ZBTB25: variants seen among roughly 807,000 people sequenced by gnomAD.
ZBTB25 encodes the protein zinc finger and BTB domain-containing protein 25.
Under a neutral mutation model 34.2 loss-of-function variants are expected in ZBTB25, and 20 were observed. That is an observed-to-expected ratio of 0.58 (90% confidence interval 0.41 to 0.85). ZBTB25 has a LOEUF of 0.85. Ranked by LOEUF, ZBTB25 falls within the 40% of genes least tolerant of loss-of-function variation. The probability of loss-of-function intolerance (pLI) is 0.00; values close to 1 mark genes in which losing one functional copy is unlikely to be tolerated. For synonymous variants in ZBTB25, 175 were observed against 186.4 expected (o/e 0.94, Z 0.50); for missense variants, 437 against 521.8 (o/e 0.84, Z 1.58).
At chr14:64,490,599 T>G in intron 1 of ZBTB25, 59 bp from the exon 2 acceptor site, 2 of 1,402,258 alleles carry the variant, frequency 1.4e-6, no homozygotes, top group Non-Finnish European at 1.9e-6. Context: ...CATTATTTTT[T>G]ATTAATACAA....
chr14:64,502,116 C>A lies in ZBTB25; in HGVS notation c.-8+1545G>T, dbSNP rs148046164. Among the ~76,000 whole-genome samples the A allele has an allele frequency of 1.1e-4, 17 of 152,318 alleles. No homozygotes were observed. In the East Asian group the frequency reaches 3.3e-3, roughly 29 times the overall value. ...TACCATCTCCTTTTTGGTAAAGACA[C>A]AAAGTTCATCTACGAAAGCAGCTAG... is the stretch of plus-strand genomic sequence containing the variant. On this transcript the variant is annotated intron_variant, in intron 1 of 2. Transcript: ENST00000608382.
At chr14:64,453,993 A>G (rs892615115) in intron 2 of ZBTB25, 2 of 701,984 alleles carry the variant, frequency 2.8e-6, no homozygotes, top group African/African-American at 3.5e-5. Context: ...TCTCCTCTGA[A>G]ATACTGAGTT....
intron 1 of ZBTB25, among the ~76,000 whole-genome samples, chr14:64,498,335 TCG>T (rs993097420): frequency 2.6e-5 from 4 of 151,204 alleles, no homozygotes; most frequent in Non-Finnish European, 4.4e-5. Context: ...AGACAGAGTC[TCG>T]CTCTGTCGCC....
intron 2 of ZBTB25, among the ~76,000 whole-genome samples, chr14:64,489,493 G>A (rs544372503): frequency 2.3e-4 from 35 of 151,958 alleles, no homozygotes; most frequent in African/African-American, 8.2e-4. Flanking sequence ...CTTAGTGCTT[G>A]GGTATGGGAT....
intron 2 of ZBTB25, among the ~76,000 whole-genome samples, chr14:64,463,833 C>G (rs1474556965): frequency 6.6e-6 from 1 of 151,938 alleles, no homozygotes; most frequent in Non-Finnish European, 1.5e-5. Flanking sequence ...TTATTTTTTG[C>G]CTGAAACTCT....
chr14:64,472,759 T>G (rs539271621), intron 2 of ZBTB25: 1 of 166,924 alleles, frequency 6.0e-6, no homozygotes, highest in Admixed American at 6.5e-5. Flanking sequence ...AGAAATCAGA[T>G]GGCTTCAGAG....
chr14:64,486,687 T>G lies in ZBTB25; in HGVS notation c.*236A>C. The G allele has an allele frequency of 1.7e-6, 2 of 1,163,238 alleles. No individual in the cohort carries two copies. Among genetic ancestry groups the G allele is most frequent in the Non-Finnish European group, 2.1e-6 (2 of 934,296 alleles). 72.1% of individuals were successfully genotyped at this position (1,163,238 alleles called of 1,614,324 possible). A position where few individuals can be genotyped will look rare whatever the true frequency, so the allele number is the denominator to read the frequency against. Reference sequence around the variant, plus strand: ...CCATATTTCTACATTGATTTCTGATTTCTAAATTGTTATTTCGTTTGTGAA... The same window carrying G: ...CCATATTTCTACATTGATTTCTGATGTCTAAATTGTTATTTCGTTTGTGAA... On this transcript the variant is annotated 3_prime_UTR_variant, in exon 3 of 3. Coordinates refer to ENST00000608382, the MANE Select transcript of ZBTB25 (RefSeq NM_006977.5).
intron 2 of ZBTB25, chr14:64,460,585 G>C (rs1179885798): frequency 6.6e-6 from 1 of 152,252 alleles, no homozygotes; most frequent in East Asian, 2.0e-4. Context: ...CCGTCTCCTG[G>C]GTTCAAGTGA....
At chr14:64,455,086 G>T in intron 2 of ZBTB25, 1 of 586,378 alleles carries the variant, frequency 1.7e-6, no homozygotes, top group Non-Finnish European at 3.1e-6. Context: ...AATCAAGAAT[G>T]ATGCCAGGAC....
intron 1 of ZBTB25, among the ~76,000 whole-genome samples, chr14:64,493,378 C>A (rs971071392): frequency 6.6e-6 from 1 of 152,160 alleles, no homozygotes; most frequent in Non-Finnish European, 1.5e-5. Flanking sequence ...TGGACAATGA[C>A]AGTATCTAAC....
At chr14:64,467,317 A>AT (rs1295591399) in intron 2 of ZBTB25, 2 of 152,250 alleles carry the variant, frequency 1.3e-5, no homozygotes, top group African/African-American at 2.4e-5. Context: ...GGTGAGGATT[A>AT]GAGATGTATG....
intron 1 of ZBTB25, among the ~76,000 whole-genome samples, chr14:64,497,843 T>C (rs2079331236): frequency 2.0e-5 from 3 of 152,228 alleles, no homozygotes; most frequent in Admixed American, 2.0e-4. Context: ...TCTCAGGCTG[T>C]AAGAATCCTT....
intron 2 of ZBTB25, among the ~76,000 whole-genome samples, chr14:64,456,811 C>A (rs1052687174): frequency 6.6e-6 from 1 of 152,144 alleles, no homozygotes; most frequent in East Asian, 1.9e-4. Flanking sequence ...ATGAGGTTTT[C>A]TAAAGTATTG....
At position 64,478,830 on chromosome 14, in the gene ZBTB25, T is replaced by C. The variant is rs1445647104; in HGVS notation, c.*8093A>G. 6.6e-6 allele frequency: 1 copy of C among 152,168 alleles called. No individual in the cohort carries two copies. The highest frequency in any genetic ancestry group is 2.4e-5 in the African/African-American group (1 of 41,428). 9.4% of individuals were successfully genotyped at this position (152,168 alleles called of 1,614,324 possible). Reference sequence around the variant, plus strand: ...TATTAATAGTAATGCTGAATTCAAGTATAATGAACATTTTTTTAAAGGTAC... The same window carrying C: ...TATTAATAGTAATGCTGAATTCAAGCATAATGAACATTTTTTTAAAGGTAC... On this transcript the variant is annotated 3_prime_UTR_variant, in exon 3 of 3. Coordinates refer to ENST00000608382, the MANE Select transcript of ZBTB25 (RefSeq NM_006977.5).
chr14:64,503,936 C>T (rs893585030), upstream of ZBTB25: 2 of 152,284 alleles, frequency 1.3e-5, no homozygotes, highest in East Asian at 3.9e-4. Flanking sequence ...GGCCCGCGCT[C>T]TGAGTGCCGC....
Position 64,483,232 on chromosome 14 carries a change from G to C in ZBTB25, c.*3691C>G, listed in dbSNP as rs1318008805. The C allele has an allele frequency of 6.6e-6, 1 of 152,152 alleles. No homozygotes were observed. The highest frequency in any genetic ancestry group is 1.5e-5 in the Non-Finnish European group (1 of 68,034). The allele number at this position is 152,152 out of a possible 1,614,324, so 9.4% of individuals were successfully genotyped here. On this transcript the variant is annotated 3_prime_UTR_variant, in exon 3 of 3. Coordinates refer to ENST00000608382, the MANE Select transcript of ZBTB25 (RefSeq NM_006977.5). The stretch of plus-strand genomic sequence containing the variant: ...TATTAGGATACTGGCTAACAGTATA[G>C]CTCCATTTTGTGGAGATGTAGTCAA...
chr14:64,498,399 G>A (rs528467441), intron 1 of ZBTB25, among the ~76,000 whole-genome samples: 4 of 150,678 alleles, frequency 2.7e-5, no homozygotes, highest in Admixed American at 2.0e-4. Context: ...TGCAACCTCC[G>A]CCTCCTGGGT....
intron 2 of ZBTB25, among the ~76,000 whole-genome samples, chr14:64,451,700 A>G (rs1283785020): frequency 6.6e-6 from 1 of 152,252 alleles, no homozygotes; most frequent in Non-Finnish European, 1.5e-5. Context: ...ACCCATTTCT[A>G]CTTGCAACTT....
At chr14:64,462,259 A>G (rs2140998062) in intron 2 of ZBTB25, 1 of 145,368 alleles carries the variant, frequency 6.9e-6, no homozygotes, top group South Asian at 2.2e-4. Context: ...TCTACAAAAA[A>G]CAAAACCCCA....
Sources: gnomAD v4.1 joint callset for allele counts (sites outside exome capture counted in the v4.1 genomes callset) on GRCh38, gnomAD v4.1.1 for gene constraint, MANE v1.5 for transcripts, NCBI Gene and HGNC (gene_info 2026-07-23, HGNC 2026-07-21) for gene names.